Variants in EBF1 observed in about 807,000 individuals in gnomAD.
EBF1 encodes the protein EBF transcription factor 1, also known as transcription factor COE1.
Under a neutral mutation model 68.4 loss-of-function variants are expected in EBF1, and 10 were observed. The ratio of observed to expected loss-of-function variants is 0.15; its 90% CI spans 0.09 to 0.25. The LOEUF (loss-of-function observed/expected upper bound fraction) is 0.25, where lower values mean the gene tolerates loss of function less well. Ranked by LOEUF, EBF1 falls within the 10% of genes least tolerant of loss-of-function variation. EBF1 has a pLI of 1.00. For missense variants in EBF1, 509 were observed against 794.4 expected (o/e 0.64, Z 4.32); for synonymous variants, 298 against 299.8 (o/e 0.99, Z 0.06).
chr5:158,892,634 C>T (rs1018554503), intron 6 of EBF1, among the ~76,000 whole-genome samples: 1 of 152,048 alleles, frequency 6.6e-6, no homozygotes, highest in African/African-American at 2.4e-5. Flanking sequence ...TATAAAATTG[C>T]CTTTAGGCTA....
intron 14 of EBF1, among the ~76,000 whole-genome samples, chr5:158,711,264 T>C (rs1304552444): frequency 6.6e-6 from 1 of 152,222 alleles, no homozygotes; most frequent in African/African-American, 2.4e-5. Context: ...GTCTTATTTT[T>C]TTTTATTCCA....
intron 10 of EBF1, among the ~76,000 whole-genome samples, chr5:158,739,235 T>G (rs1218109831): frequency 1.3e-5 from 2 of 152,226 alleles, no homozygotes; most frequent in Non-Finnish European, 2.9e-5. Context: ...GTGGAGCATC[T>G]CTTCATGAAC....
chr5:158,696,607 C>A lies in EBF1; in HGVS notation c.*2504G>T. 4.6e-6 allele frequency: 1 copy of A among 219,280 alleles called. No individual in the cohort carries two copies. The highest frequency in any genetic ancestry group is 6.6e-5 in the East Asian group (1 of 15,224). 13.6% of individuals were successfully genotyped at this position (219,280 alleles called of 1,614,324 possible). On this transcript the variant is annotated 3_prime_UTR_variant, in exon 16 of 16. Coordinates refer to ENST00000313708, the MANE Select transcript of EBF1 (RefSeq NM_024007.5). ...CCTTTCTGAGTACCGAGAAGCAATG[C>A]GTCCACCTTGCTTACATTTTCCAGT...
At chr5:158,908,345 G>T (rs1805126476) in intron 6 of EBF1, among the ~76,000 whole-genome samples, 2 of 152,142 alleles carry the variant, frequency 1.3e-5, no homozygotes, top group African/African-American at 4.8e-5. Flanking sequence ...TTCACAAAAG[G>T]TATTGCCACA....
At chr5:158,989,670 C>T (rs572226372) in intron 6 of EBF1, among the ~76,000 whole-genome samples, 24 of 152,294 alleles carry the variant, frequency 1.6e-4, no homozygotes, top group African/African-American at 5.8e-4. Flanking sequence ...GCAGTAATGA[C>T]TTCAAAACTT....
At chr5:159,012,695 C>T (rs1172275742) in intron 6 of EBF1, among the ~76,000 whole-genome samples, 2 of 152,010 alleles carry the variant, frequency 1.3e-5, no homozygotes, top group African/African-American at 2.4e-5. Flanking sequence ...GAAAGGGTTT[C>T]GCCATGTTGG....
intron 9 of EBF1, among the ~76,000 whole-genome samples, chr5:158,778,272 T>C (rs1461176187): frequency 6.6e-6 from 1 of 152,190 alleles, no homozygotes; most frequent in Non-Finnish European, 1.5e-5. Flanking sequence ...ATTACTCTTA[T>C]CTTTGTTTAC....
At chr5:158,986,320 G>C (rs1318128675) in intron 6 of EBF1, 1 of 152,132 alleles carries the variant, frequency 6.6e-6, no homozygotes, top group Non-Finnish European at 1.5e-5. Flanking sequence ...ACAATTTCAG[G>C]ACTAGACTTT....
intron 6 of EBF1, among the ~76,000 whole-genome samples, chr5:158,892,982 C>T (rs762080780): frequency 6.8e-5 from 10 of 147,892 alleles, no homozygotes; most frequent in Admixed American, 6.7e-5. Flanking sequence ...CACGTTTCTT[C>T]TTTGCTGATC....
chr5:159,065,888 C>T (rs1776715466), intron 6 of EBF1, among the ~76,000 whole-genome samples: 1 of 152,122 alleles, frequency 6.6e-6, no homozygotes, highest in Admixed American at 6.5e-5. Flanking sequence ...TGGCCCTTCA[C>T]TCTGTAGCTT....
intron 10 of EBF1, among the ~76,000 whole-genome samples, chr5:158,734,176 G>A (rs1169478744): frequency 2.6e-5 from 4 of 152,092 alleles, no homozygotes; most frequent in Non-Finnish European, 5.9e-5. Flanking sequence ...TGTATAAACT[G>A]CCAAATAGTA....
intron 6 of EBF1, among the ~76,000 whole-genome samples, chr5:158,953,011 G>C (rs1221707158): frequency 1.3e-5 from 2 of 149,648 alleles, no homozygotes; most frequent in Non-Finnish European, 3.0e-5. Context: ...TTTTAAGCAA[G>C]TGAGCATTAC....
At chr5:158,920,078 C>CATAT (rs150689079) in intron 6 of EBF1, among the ~76,000 whole-genome samples, 3 of 151,946 alleles carry the variant, frequency 2.0e-5, no homozygotes, top group African/African-American at 7.3e-5. Flanking sequence ...TAACTTGCAA[C>CATAT]ATATATATAT....
rs544723608 is a variant in EBF1, at chr5:158,856,609, G to T, written c.555-16499C>A. 2.6e-5 allele frequency among the ~76,000 whole-genome samples: 4 copies of T among 152,230 alleles called. No individual in the cohort carries two copies. In the East Asian group the frequency reaches 7.7e-4, roughly 29 times the overall value. ...CTTTAGAAAAATAATAATGAGTTAA[G>T]CATAGCTAATGTTTATACTACATTT... On this transcript the variant is annotated intron_variant, in intron 6 of 15. Transcript: ENST00000313708.
chr5:158,767,960 G>A (rs1048049450), intron 10 of EBF1, among the ~76,000 whole-genome samples: 5 of 152,124 alleles, frequency 3.3e-5, no homozygotes, highest in Non-Finnish European at 5.9e-5. Context: ...ACAGCACGTG[G>A]TGGGTCCCGG....
intron 6 of EBF1, among the ~76,000 whole-genome samples, chr5:158,881,790 G>C (rs1260562736): frequency 6.6e-6 from 1 of 152,194 alleles, no homozygotes; most frequent in East Asian, 1.9e-4. Flanking sequence ...CAGCAAATCA[G>C]TGATTTGGGC....
intron 6 of EBF1, among the ~76,000 whole-genome samples, chr5:159,021,575 C>T (rs1361301801): frequency 6.6e-6 from 1 of 152,200 alleles, no homozygotes; most frequent in East Asian, 1.9e-4. Context: ...TGTGAGCACA[C>T]GTGCGTGTGT....
At position 158,878,455 on chromosome 5, in the gene EBF1, T is replaced by G. The variant is rs1038540141; in HGVS notation, c.555-38345A>C. Among the ~76,000 whole-genome samples the G allele has an allele frequency of 1.9e-4, 29 of 152,310 alleles. No homozygotes were observed. The East Asian group carries it at 3.1e-3, about 16-fold the overall frequency. On this transcript the variant is annotated intron_variant, in intron 6 of 15. Coordinates refer to ENST00000313708, the MANE Select transcript of EBF1 (RefSeq NM_024007.5). Reference sequence around the variant, plus strand: ...ACAAGAGGAAATATTTACTGAATCCTTATTGTGGGCCAGGTGCCCTGCTAA... The same window carrying G: ...ACAAGAGGAAATATTTACTGAATCCGTATTGTGGGCCAGGTGCCCTGCTAA...
At chr5:158,915,421 G>A (rs996277652) in intron 6 of EBF1, among the ~76,000 whole-genome samples, 31 of 152,242 alleles carry the variant, frequency 2.0e-4, no homozygotes, top group African/African-American at 7.0e-4. Flanking sequence ...GCAAAAACAT[G>A]TGGAAAGAAG....
Sources: gnomAD v4.1 joint callset for allele counts (sites outside exome capture counted in the v4.1 genomes callset) on GRCh38, gnomAD v4.1.1 for gene constraint, MANE v1.5 for transcripts, NCBI Gene and HGNC (gene_info 2026-07-23, HGNC 2026-07-21) for gene names.